KLHL29: variants seen among roughly 807,000 people sequenced by gnomAD.
The protein encoded by KLHL29 is kelch-like protein 29.
KLHL29 carries 21 observed loss-of-function variants against 80.4 expected under a neutral mutation model. The observed-to-expected ratio is 0.26, with a 90% CI of 0.19 to 0.38. The LOEUF (loss-of-function observed/expected upper bound fraction) is 0.38, where lower values mean the gene tolerates loss of function less well. KLHL29 is among the 10% of genes least tolerant of loss of function. The pLI is 1.00. For synonymous variants in KLHL29, 511 were observed against 526.8 expected (o/e 0.97, Z 0.41); for missense variants, 867 against 1,223.9 (o/e 0.71, Z 4.35).
chr2:23,666,162 T>C (rs1255081848), intron 5 of KLHL29, among the ~76,000 whole-genome samples: 1 of 152,212 alleles, frequency 6.6e-6, no homozygotes, highest in Non-Finnish European at 1.5e-5. Context: ...CCAAACTCCC[T>C]GCCCTCAGGG....
chr2:23,584,334 G>A (rs1424591042), intron 3 of KLHL29, among the ~76,000 whole-genome samples: 1 of 152,176 alleles, frequency 6.6e-6, no homozygotes. Context: ...CAGGGACTGG[G>A]GGCAGAGCTG....
intron 2 of KLHL29, among the ~76,000 whole-genome samples, chr2:23,520,644 T>G (rs1666064922): frequency 6.6e-6 from 1 of 152,220 alleles, no homozygotes; most frequent in African/African-American, 2.4e-5. Flanking sequence ...TACAAGTCTT[T>G]TCTTTCAGTG....
At chr2:23,518,684 C>T (rs1450829055) in intron 2 of KLHL29, among the ~76,000 whole-genome samples, 1 of 152,198 alleles carries the variant, frequency 6.6e-6, no homozygotes, top group East Asian at 1.9e-4. Context: ...GCAAGCACCG[C>T]ATGTGCTTGC....
At chr2:23,697,843 T>C (rs1285815118) in intron 11 of KLHL29, 1 of 152,214 alleles carries the variant, frequency 6.6e-6, no homozygotes, top group Non-Finnish European at 1.5e-5. Context: ...ACCCCAAGCA[T>C]TCTGGAAGCA....
chr2:23,407,894 C>A (rs1376267455), intron 1 of KLHL29, among the ~76,000 whole-genome samples: 1 of 151,906 alleles, frequency 6.6e-6, no homozygotes, highest in Non-Finnish European at 1.5e-5. Context: ...ACATTAAATT[C>A]TTTGTTGGGT....
chr2:23,482,528 G>A (rs541375081), intron 2 of KLHL29, among the ~76,000 whole-genome samples: 1 of 152,306 alleles, frequency 6.6e-6, no homozygotes, highest in East Asian at 1.9e-4. Context: ...AGCATCCATC[G>A]GGGAAAGCAC....
chr2:23,557,353 G>A (rs753270976), intron 2 of KLHL29, among the ~76,000 whole-genome samples: 4 of 152,140 alleles, frequency 2.6e-5, no homozygotes, highest in Non-Finnish European at 5.9e-5. Flanking sequence ...CTTTCATGAC[G>A]TTTGAAAGGG....
At chr2:23,543,644 T>C (rs1189351764) in intron 2 of KLHL29, among the ~76,000 whole-genome samples, 1 of 152,204 alleles carries the variant, frequency 6.6e-6, no homozygotes, top group Admixed American at 6.5e-5. Context: ...AGAAGTCAGA[T>C]AGTGCCTAGG....
chr2:23,428,924 A>G (rs1314268453), intron 1 of KLHL29, among the ~76,000 whole-genome samples: 2 of 152,250 alleles, frequency 1.3e-5, no homozygotes, highest in Non-Finnish European at 2.9e-5. Context: ...GTTCTACACC[A>G]CATCTCTCAG....
intron 5 of KLHL29, among the ~76,000 whole-genome samples, chr2:23,654,943 G>A (rs1670203100): frequency 6.6e-6 from 1 of 152,148 alleles, no homozygotes; most frequent in Non-Finnish European, 1.5e-5. Context: ...AGCCTGTGTG[G>A]TCACTAGGCA....
At chr2:23,435,078 C>T (rs1005105010) in intron 1 of KLHL29, among the ~76,000 whole-genome samples, 1 of 152,122 alleles carries the variant, frequency 6.6e-6, no homozygotes, top group Non-Finnish European at 1.5e-5. Flanking sequence ...GAGGCCTGAA[C>T]TGGGTGTGAT....
At chr2:23,483,040 C>T (rs1664843327) in intron 2 of KLHL29, among the ~76,000 whole-genome samples, 1 of 152,160 alleles carries the variant, frequency 6.6e-6, no homozygotes, top group South Asian at 2.1e-4. Flanking sequence ...GTGATAAATG[C>T]AGCAAAAAGA....
At chr2:23,670,709 A>C (rs1422667473) in intron 5 of KLHL29, among the ~76,000 whole-genome samples, 1 of 152,154 alleles carries the variant, frequency 6.6e-6, no homozygotes, top group African/African-American at 2.4e-5. Context: ...AGAAATATGA[A>C]AAACTAGAAA....
intron 1 of KLHL29, among the ~76,000 whole-genome samples, chr2:23,408,974 C>T (rs1478904151): frequency 1.3e-5 from 2 of 152,158 alleles, no homozygotes; most frequent in Non-Finnish European, 2.9e-5. Flanking sequence ...TTGGGGTTCA[C>T]AGCTCTGCCT....
intron 6 of KLHL29, chr2:23,685,566 C>T (rs1347188958): frequency 6.6e-6 from 1 of 152,336 alleles, no homozygotes; most frequent in Non-Finnish European, 1.5e-5. Context: ...GGCATCTCCT[C>T]TCCGATCCGG....
At chr2:23,558,412 T>TTTTTTTTTTTCTTC (rs1667353816) in intron 2 of KLHL29, among the ~76,000 whole-genome samples, 1 of 128,992 alleles carries the variant, frequency 7.8e-6, no homozygotes, top group Admixed American at 7.9e-5. Flanking sequence ...ATTTTCTCTT[T>TTTTTTTTTTTCTTC]TTTTTTTTTT....
chr2:23,434,966 T>G (rs1663296820), intron 1 of KLHL29, among the ~76,000 whole-genome samples: 2 of 152,206 alleles, frequency 1.3e-5, no homozygotes, highest in Non-Finnish European at 2.9e-5. Context: ...GGGCTGAGGC[T>G]GGCTGAGGAA....
At chr2:23,673,056 T>C (rs1281820232) in intron 5 of KLHL29, among the ~76,000 whole-genome samples, 2 of 152,188 alleles carry the variant, frequency 1.3e-5, no homozygotes, top group African/African-American at 2.4e-5. Context: ...GGGAAAAAGA[T>C]GATGGGTTGG....
intron 1 of KLHL29, among the ~76,000 whole-genome samples, chr2:23,427,792 GT>G (rs1663046453): frequency 6.6e-6 from 1 of 152,120 alleles, no homozygotes; most frequent in South Asian, 2.1e-4. Context: ...CTTGATGTCA[GT>G]TTTGTGACAT....
Sources: gnomAD v4.1 joint callset for allele counts (sites outside exome capture counted in the v4.1 genomes callset) on GRCh38, gnomAD v4.1.1 for gene constraint, MANE v1.5 for transcripts, NCBI Gene and HGNC (gene_info 2026-07-23, HGNC 2026-07-21) for gene names.